GALNT13: variants seen among roughly 807,000 people sequenced by gnomAD.
GALNT13 encodes the protein UDP-GalNAc:polypeptide N-acetylgalactosaminyltransferase 13.
Under a neutral mutation model 64.2 loss-of-function variants are expected in GALNT13, and 28 were observed. The observed-to-expected ratio is 0.44, with a 90% CI of 0.32 to 0.60. The LOEUF is 0.60. GALNT13 is among the 20% of genes least tolerant of loss of function. The pLI is 0.05. For missense variants in GALNT13, 577 were observed against 669.8 expected (o/e 0.86, Z 1.53); for synonymous variants, 214 against 224.6 (o/e 0.95, Z 0.42).
At chr2:153,726,495 C>G in the GALNT13 span, among the ~76,000 whole-genome samples, 2 of 152,060 alleles carry the variant, frequency 1.3e-5, 1 homozygote, top group South Asian at 4.1e-4. Flanking sequence ...AAAATGTACT[C>G]CATTCTAGGT....
chr2:154,385,853 T>A (rs574929686), intron 9 of GALNT13, among the ~76,000 whole-genome samples: 3 of 152,098 alleles, frequency 2.0e-5, no homozygotes, highest in South Asian at 4.1e-4. Context: ...TCATCAATTA[T>A]AAAGTTAGCA....
At chr2:153,443,447 T>G in the GALNT13 span, among the ~76,000 whole-genome samples, 1 of 152,210 alleles carries the variant, frequency 6.6e-6, no homozygotes, top group East Asian at 1.9e-4. Flanking sequence ...CACTCACCTT[T>G]TTCCCATTTT....
At chr2:154,181,995 G>C (rs1685985403) in intron 4 of GALNT13, among the ~76,000 whole-genome samples, 1 of 151,976 alleles carries the variant, frequency 6.6e-6, no homozygotes, top group Non-Finnish European at 1.5e-5. Flanking sequence ...AAGATTAACA[G>C]TGATAACATA....
intron 3 of GALNT13, among the ~76,000 whole-genome samples, chr2:154,098,357 G>A (rs954953954): frequency 2.7e-5 from 4 of 149,804 alleles, no homozygotes; most frequent in Admixed American, 1.3e-4. Context: ...TTTTTTCTTC[G>A]TACTCTTTTC....
intron 4 of GALNT13, among the ~76,000 whole-genome samples, chr2:154,180,181 C>G (rs959486964): frequency 1.1e-4 from 17 of 152,102 alleles, no homozygotes; most frequent in African/African-American, 4.1e-4. Flanking sequence ...GTAGCCTTCT[C>G]TAATCATTTC....
the GALNT13 span, among the ~76,000 whole-genome samples, chr2:153,460,359 C>G: frequency 6.6e-6 from 1 of 152,054 alleles, no homozygotes; most frequent in African/African-American, 2.4e-5. Flanking sequence ...TCAACTCATA[C>G]TGATAAATGT....
At chr2:153,106,767 C>T in the GALNT13 span, among the ~76,000 whole-genome samples, 11 of 152,012 alleles carry the variant, frequency 7.2e-5, no homozygotes, top group East Asian at 1.9e-4. Context: ...TTTTTTTCCA[C>T]GGATGTGAGG....
chr2:154,440,604 C>G (rs1055533109), intron 12 of GALNT13, among the ~76,000 whole-genome samples: 1 of 152,020 alleles, frequency 6.6e-6, no homozygotes. Context: ...AACACACGCA[C>G]AAAAAGCTTA....
the GALNT13 span, among the ~76,000 whole-genome samples, chr2:153,823,525 C>A: frequency 6.6e-6 from 1 of 152,010 alleles, no homozygotes; most frequent in Non-Finnish European, 1.5e-5. Flanking sequence ...GGGAAAGGAC[C>A]CCCTATTCAA....
At chr2:153,772,795 A>C in the GALNT13 span, among the ~76,000 whole-genome samples, 4 of 152,118 alleles carry the variant, frequency 2.6e-5, no homozygotes, top group Non-Finnish European at 4.4e-5. Context: ...TTTGGCAGAG[A>C]TAGGCCTTGC....
chr2:153,464,590 TA>T, the GALNT13 span, among the ~76,000 whole-genome samples: 2 of 152,080 alleles, frequency 1.3e-5, no homozygotes, highest in Non-Finnish European at 2.9e-5. Flanking sequence ...GGACAGGACA[TA>T]AAATTATATT....
the GALNT13 span, among the ~76,000 whole-genome samples, chr2:153,706,288 C>G: frequency 6.6e-6 from 1 of 152,116 alleles, no homozygotes; most frequent in Non-Finnish European, 1.5e-5. Flanking sequence ...AGCTACTGCA[C>G]CCAGCCAAGG....
the GALNT13 span, among the ~76,000 whole-genome samples, chr2:153,260,276 G>A: frequency 3.3e-5 from 5 of 152,056 alleles, no homozygotes; most frequent in Admixed American, 1.3e-4. Context: ...TTCTGCATAC[G>A]TACCATTACC....
chr2:154,288,050 T>C (rs1042262944), intron 8 of GALNT13, among the ~76,000 whole-genome samples: 1 of 152,142 alleles, frequency 6.6e-6, no homozygotes, highest in Non-Finnish European at 1.5e-5. Context: ...GACTGGGTAA[T>C]TTATAAAGGA....
intron 3 of GALNT13, among the ~76,000 whole-genome samples, chr2:154,037,343 A>G (rs1698718527): frequency 6.6e-6 from 1 of 152,150 alleles, no homozygotes; most frequent in African/African-American, 2.4e-5. Context: ...CAAAAATTAA[A>G]TGGTGTGTTT....
the GALNT13 span, among the ~76,000 whole-genome samples, chr2:153,422,743 T>C: frequency 6.6e-6 from 1 of 152,058 alleles, no homozygotes; most frequent in Non-Finnish European, 1.5e-5. Context: ...AAAAATACAC[T>C]TTACAGAATA....
chr2:154,359,845 C>T (rs932933777), intron 9 of GALNT13, among the ~76,000 whole-genome samples: 12 of 152,074 alleles, frequency 7.9e-5, no homozygotes, highest in Non-Finnish European at 1.2e-4. Flanking sequence ...TAGATTGCTG[C>T]TCCTCAGTAA....
chr2:153,576,541 C>T, the GALNT13 span, among the ~76,000 whole-genome samples: 4 of 152,184 alleles, frequency 2.6e-5, no homozygotes, highest in Non-Finnish European at 5.9e-5. Context: ...TAGGACAGCA[C>T]TGAGTTTAAT....
chr2:153,799,586 T>G, the GALNT13 span, among the ~76,000 whole-genome samples: 1 of 152,188 alleles, frequency 6.6e-6, no homozygotes, highest in Non-Finnish European at 1.5e-5. Context: ...CCTATTCAAA[T>G]GCTCTGCCAT....
Sources: gnomAD v4.1 joint callset for allele counts (sites outside exome capture counted in the v4.1 genomes callset) on GRCh38, gnomAD v4.1.1 for gene constraint, MANE v1.5 for transcripts, NCBI Gene and HGNC (gene_info 2026-07-23, HGNC 2026-07-21) for gene names.